Variants in DOCK8 observed in about 807,000 individuals in gnomAD.
DOCK8 encodes the protein dedicator of cytokinesis 8.
In DOCK8, 141 loss-of-function variants were observed where a neutral mutation model predicts 245.6. The observed-to-expected ratio is 0.57, with a 90% CI of 0.50 to 0.66. The LOEUF (loss-of-function observed/expected upper bound fraction) is 0.66. Among genes scored for constraint, DOCK8 ranks in the 30% least tolerant of loss-of-function variants. The pLI, the probability that DOCK8 is intolerant of heterozygous loss-of-function variation, is 0.00. For synonymous variants in DOCK8, 1,168 were observed against 970.2 expected (o/e 1.20, Z -3.79); for missense variants, 2,965 against 2,603.4 (o/e 1.14, Z -3.02).
intron 29 of DOCK8, among the ~76,000 whole-genome samples, chr9:416,040 C>T (rs140732721): frequency 8.3e-4 from 127 of 152,250 alleles, no homozygotes; most frequent in African/African-American, 2.8e-3. Flanking sequence ...GGAAGTAATT[C>T]TCTCCTTTCT....
intron 18 of DOCK8, among the ~76,000 whole-genome samples, chr9:374,197 C>A (rs1361066303): frequency 6.6e-6 from 1 of 152,026 alleles, no homozygotes; most frequent in African/African-American, 2.4e-5. Context: ...ATAGATATAC[C>A]CTTAGCCTCT....
At chr9:305,706 G>T (rs1233220462) in intron 5 of DOCK8, among the ~76,000 whole-genome samples, 4 of 152,164 alleles carry the variant, frequency 2.6e-5, no homozygotes, top group African/African-American at 9.7e-5. Context: ...GTCATTTGAA[G>T]AACTCCAGCA....
At chr9:464,030 G>T in intron 47 of DOCK8, 129 bp from the exon 48 acceptor site, 1 of 843,358 alleles carries the variant, frequency 1.2e-6, no homozygotes. Context: ...ATTATTTGCT[G>T]AGTTGTCCAT....
intron 1 of DOCK8, among the ~76,000 whole-genome samples, chr9:240,631 A>T (rs1235378740): frequency 6.6e-6 from 1 of 152,178 alleles, no homozygotes; most frequent in African/African-American, 2.4e-5. Context: ...TTTAAGTCTG[A>T]TATTTAATTC....
intron 26 of DOCK8, among the ~76,000 whole-genome samples, chr9:400,958 A>T (rs866652494): frequency 0.012 from 803 of 67,046 alleles, 36 homozygotes; most frequent in African/African-American, 0.092. Flanking sequence ...CACCACCACC[A>T]CCACCACCTC....
chr9:255,668 C>CGAAAAAAAAAAAAAAAAAAA lies in DOCK8; in HGVS notation c.54-15959_54-15958insGAAAAAAAAAAAAAAAAAAA, dbSNP rs1563844740. ...GGGGGATAGAGCAAGACTCCATCTC[C>CGAAAAAAAAAAAAAAAAAAA]AAAAAAAAAAAAAAAAAAAAAAAAA... is the stretch of plus-strand genomic sequence containing the variant. On this transcript the variant is annotated intron_variant, in intron 1 of 47. Transcript: ENST00000432829. Among the ~76,000 whole-genome samples the CGAAAAAAAAAAAAAAAAAAA allele has an allele frequency of 8.5e-5, 2 of 23,504 alleles. 1 individual carries two copies. The allele number at this position is 23,504 out of a possible 152,430, so 15.4% of individuals were successfully genotyped here.
Position 428,628 on chromosome 9 carries a change from T to A in DOCK8, c.4473+132T>A, listed in dbSNP as rs1009565489. On this transcript the variant is annotated intron_variant, in intron 35 of 47. Coordinates refer to ENST00000432829, the MANE Select transcript of DOCK8 (RefSeq NM_203447.4). ...GGCATCACAGTAAAGGTCTTAAGTC[T>A]TCCTAGGAAGAAAGCAGATGCCCTG... 15 of 1,176,932 alleles carry A rather than the reference T, an allele frequency of 1.3e-5. No individual in the cohort carries two copies. In the South Asian group the frequency reaches 2.0e-4, roughly 16 times the overall value. The allele number at this position is 1,176,932 out of a possible 1,614,324, so 72.9% of individuals were successfully genotyped here.
Position 329,100 on chromosome 9 carries a change from C to T in DOCK8, c.1044+929C>T, listed in dbSNP as rs2050893747. 2.6e-5 allele frequency among the ~76,000 whole-genome samples: 4 copies of T among 151,778 alleles called. No individual in the cohort carries two copies. The South Asian group carries it at 8.3e-4, about 32-fold the overall frequency. On this transcript the variant is annotated intron_variant, in intron 9 of 47. Coordinates refer to ENST00000432829, the MANE Select transcript of DOCK8 (RefSeq NM_203447.4). ...GAGTAGCTGGGATTATAGGAGCCCA[C>T]CACCCCAAACCAGGCTAATTTTTGT...
In DOCK8 at chr9:349,584, C is replaced by G. The variant is rs941626595; in HGVS notation, c.1679+9263C>G. ...GCTTTTAAGCCCAAGCTGGTCGTTC[C>G]TTTTATACCACTCCACTCACTTGAT... On this transcript the variant is annotated intron_variant, in intron 14 of 47. Coordinates refer to ENST00000432829, the MANE Select transcript of DOCK8 (RefSeq NM_203447.4). Among the ~76,000 whole-genome samples the G allele has an allele frequency of 3.3e-5, 5 of 152,158 alleles. 1 individual carries two copies. Among genetic ancestry groups the G allele is most frequent in the African/African-American group, 1.2e-4 (5 of 41,426 alleles).
intron 1 of DOCK8, among the ~76,000 whole-genome samples, chr9:232,012 A>G (rs1011680244): frequency 3.9e-5 from 6 of 152,080 alleles, no homozygotes; most frequent in South Asian, 4.1e-4. Flanking sequence ...TGCCCATTCA[A>G]TATGATATTG....
In DOCK8 at chr9:446,533, G is replaced by C; in HGVS notation, c.5744G>C (p.Arg1915Thr). Reference protein sequence around the residue: ...PRGELHEQYRRNTVLTTMHAF... With the variant: ...PRGELHEQYRTNTVLTTMHAF... ...GGAGAGCTGCATGAGCAGTACAGAA[G>C]GAACACAGTCCTGACCACTATGCAC... Residue 1915 changes from arginine to threonine, a missense_variant, in exon 44 of 48, where the codon AGG (arginine) becomes ACG (threonine). Around this residue, in one of 3 missense-constraint regions of DOCK8, gnomAD observed 2,825 missense variants for 2,453.5 expected, o/e 1.15. Transcript: ENST00000432829. The C allele has an allele frequency of 6.2e-7, 1 of 1,614,204 alleles. No individual in the cohort carries two copies. The highest frequency in any genetic ancestry group is 8.5e-7 in the Non-Finnish European group (1 of 1,180,034).
chr9:354,794 G>C (rs1471172868), intron 14 of DOCK8, among the ~76,000 whole-genome samples: 1 of 152,140 alleles, frequency 6.6e-6, no homozygotes, highest in Admixed American at 6.5e-5. Flanking sequence ...TGTAGCAATT[G>C]GCTTCGTCAA....
At chr9:454,446 A>G (rs934418022) in intron 46 of DOCK8, 6 of 152,218 alleles carry the variant, frequency 3.9e-5, no homozygotes, top group Non-Finnish European at 7.3e-5. Flanking sequence ...TACCATCCGC[A>G]GTTTCAGGCA....
intron 2 of DOCK8, among the ~76,000 whole-genome samples, chr9:275,038 A>G (rs181933788): frequency 4.2e-4 from 64 of 152,306 alleles, no homozygotes; most frequent in African/African-American, 1.5e-3. Flanking sequence ...AGTCAGGTGA[A>G]TCTGGGATGA....
intron 9 of DOCK8, among the ~76,000 whole-genome samples, chr9:331,307 G>T (rs2051000472): frequency 6.6e-6 from 1 of 152,208 alleles, no homozygotes; most frequent in African/African-American, 2.4e-5. Context: ...CTCTCAGTGG[G>T]ATTCGCCTTC....
At chr9:229,661 G>A (rs1220212986) in intron 1 of DOCK8, among the ~76,000 whole-genome samples, 4 of 152,074 alleles carry the variant, frequency 2.6e-5, no homozygotes, top group Non-Finnish European at 4.4e-5. Flanking sequence ...CTCAATGACT[G>A]CTGCTGTCTA....
At chr9:291,931 A>G (rs1013801701) in intron 4 of DOCK8, among the ~76,000 whole-genome samples, 1 of 151,632 alleles carries the variant, frequency 6.6e-6, no homozygotes, top group African/African-American at 2.4e-5. Context: ...TTAACTGGAT[A>G]TGATGACATG....
chr9:433,990 C>T lies in DOCK8; in HGVS notation c.4886+15C>T. 6.3e-7 allele frequency: 1 copy of T among 1,578,082 alleles called. No individual in the cohort carries two copies. The highest frequency in any genetic ancestry group is 8.7e-7 in the Non-Finnish European group (1 of 1,146,880). On this transcript the variant is annotated intron_variant, in intron 38 of 47. Coordinates refer to ENST00000432829, the MANE Select transcript of DOCK8 (RefSeq NM_203447.4). ...CTCATGTACAGGTAAGCTTTCCTGA[C>T]ACACTCAAGGGACACCATTTGGGGG... is the stretch of plus-strand genomic sequence containing the variant.
intron 26 of DOCK8, among the ~76,000 whole-genome samples, chr9:401,476 C>G (rs1437145315): frequency 1.3e-5 from 2 of 152,014 alleles, no homozygotes; most frequent in Non-Finnish European, 2.9e-5. Flanking sequence ...TCAGAGAGCT[C>G]CAAGGGCTGT....
Sources: gnomAD v4.1 joint callset for allele counts (sites outside exome capture counted in the v4.1 genomes callset) on GRCh38, gnomAD v4.1.1 for gene constraint, gnomAD v4.1.1 regional missense constraint, MANE v1.5 for transcripts, NCBI Gene and HGNC (gene_info 2026-07-23, HGNC 2026-07-21) for gene names.